LAMA4: variants seen among roughly 807,000 people sequenced by gnomAD.
LAMA4 encodes laminin subunit alpha-4.
In LAMA4, 127 loss-of-function variants were observed where a neutral mutation model predicts 207.1. The observed-to-expected ratio is 0.61, with a 90% CI of 0.53 to 0.71. The LOEUF (loss-of-function observed/expected upper bound fraction) is 0.71. LAMA4 is among the 30% of genes least tolerant of loss of function. The pLI is 0.00. For synonymous variants in LAMA4, 761 were observed against 816.0 expected, an observed-to-expected ratio of 0.93 and a Z score of 1.15; for missense variants, 2,093 against 2,246.5, an observed-to-expected ratio of 0.93 and a Z score of 1.38.
chr6:112,205,081 T>C (rs1554353808), intron 4 of LAMA4, among the ~76,000 whole-genome samples: 1 of 152,214 alleles, frequency 6.6e-6, no homozygotes, highest in East Asian at 1.9e-4. Flanking sequence ...GTGTGTGTAG[T>C]AAGCATTCAG....
chr6:112,215,465 T>C (rs1343486476), intron 3 of LAMA4, among the ~76,000 whole-genome samples: 1 of 152,238 alleles, frequency 6.6e-6, no homozygotes, highest in African/African-American at 2.4e-5. Flanking sequence ...ATGCAAATGT[T>C]GAGTGCATTT....
chr6:112,140,338 G>T lies in LAMA4; in HGVS notation c.2976+422C>A, dbSNP rs537496359. On this transcript the variant is annotated intron_variant, in intron 22 of 38. Coordinates refer to ENST00000230538, the MANE Select transcript of LAMA4 (RefSeq NM_001105206.3). ...CTTCATCAGATTTCATACTCTCTCC[G>T]AAGTCTCACCCCCTCTCTCATCCCA... Among the ~76,000 whole-genome samples the T allele has an allele frequency of 8.6e-5, 13 of 151,964 alleles. No homozygotes were observed. In the South Asian group the frequency reaches 2.5e-3, roughly 29 times the overall value.
At chr6:112,190,342 C>T (rs1326167239) in intron 6 of LAMA4, among the ~76,000 whole-genome samples, 1 of 152,200 alleles carries the variant, frequency 6.6e-6, no homozygotes, top group African/African-American at 2.4e-5. Context: ...TGTTATGCCT[C>T]TATGCACATT....
chr6:112,231,709 T>G (rs905399721), intron 2 of LAMA4, among the ~76,000 whole-genome samples: 1 of 152,218 alleles, frequency 6.6e-6, no homozygotes, highest in Non-Finnish European at 1.5e-5. Context: ...CAGAGGCAGA[T>G]GTCTGCTCAG....
rs1778179245 is a variant in LAMA4 at position 112,118,834 on chromosome 6, T to C, written c.4821+322A>G. On this transcript the variant is annotated intron_variant, in intron 34 of 38. Coordinates refer to ENST00000230538, the MANE Select transcript of LAMA4 (RefSeq NM_001105206.3). This position sits in a 1 kb window ranked among gnomAD's most constrained non-coding sequence, Gnocchi z 4.6. Reference sequence around the variant, plus strand: ...TAATGCAATGATTTGCTTTCTTTTTTGTTATGTCTTTACATTAAAAGTATG... The same window carrying C: ...TAATGCAATGATTTGCTTTCTTTTTCGTTATGTCTTTACATTAAAAGTATG... Among the ~76,000 whole-genome samples, 2 of 152,146 alleles carry C rather than the reference T, an allele frequency of 1.3e-5. No homozygotes were observed. The highest frequency in any genetic ancestry group is 1.5e-5 in the Non-Finnish European group (1 of 68,032).
chr6:112,254,255 C>G lies in LAMA4; in HGVS notation c.-105G>C, dbSNP rs1193026399. The G allele has an allele frequency of 4.9e-6, 7 of 1,438,160 alleles. No individual in the cohort carries two copies. In the Admixed American group the frequency reaches 1.3e-4, roughly 26 times the overall value. 89.1% of individuals were successfully genotyped at this position (1,438,160 alleles called of 1,614,324 possible). A position where few individuals can be genotyped will look rare whatever the true frequency, so the allele number is the denominator to read the frequency against. On this transcript the variant is annotated 5_prime_UTR_variant, in exon 2 of 39. Coordinates refer to ENST00000230538, the MANE Select transcript of LAMA4 (RefSeq NM_001105206.3). ...TGCCTCGCTTATTTTCCCTCCTCTC[C>G]GTGTGCAGTATCCCGAGGTGGCTGC... is the stretch of plus-strand genomic sequence containing the variant.
intron 22 of LAMA4, 66 bp from the exon 23 acceptor site, chr6:112,139,951 G>C: frequency 6.5e-7 from 1 of 1,527,884 alleles, no homozygotes; most frequent in Non-Finnish European, 9.1e-7. Context: ...TCACAGAACA[G>C]ACAATGCAAC....
chr6:112,136,062 G>C, intron 25 of LAMA4, 61 bp downstream of exon 25: 1 of 1,494,214 alleles, frequency 6.7e-7, no homozygotes, highest in Admixed American at 1.7e-5. Context: ...TGCCTGATTA[G>C]ATCAACAGAT....
chr6:112,182,097 AAAATAAAT>A (rs58426217), intron 9 of LAMA4, among the ~76,000 whole-genome samples: 6,313 of 148,598 alleles, frequency 0.042, 319 homozygotes, highest in African/African-American at 0.12. Flanking sequence ...ACTCTGTCTG[AAAATAAAT>A]AAATAAATAA....
intron 12 of LAMA4, among the ~76,000 whole-genome samples, chr6:112,165,846 G>A (rs1781354268): frequency 6.6e-6 from 1 of 152,096 alleles, no homozygotes; most frequent in African/African-American, 2.4e-5. Flanking sequence ...TTTTGAGAAG[G>A]GAAAGTAAAT....
chr6:112,169,146 C>T (rs1327010791), intron 12 of LAMA4, among the ~76,000 whole-genome samples: 4 of 152,076 alleles, frequency 2.6e-5, no homozygotes, highest in African/African-American at 9.7e-5. Flanking sequence ...TTTAGAGATA[C>T]CTTGAAATCG....
chr6:112,134,384 G>T, intron 26 of LAMA4, 83 bp downstream of exon 26: 2 of 1,383,078 alleles, frequency 1.4e-6, no homozygotes, highest in Non-Finnish European at 2.1e-6. Flanking sequence ...GTAAGGGTGC[G>T]TACACTGTTA....
chr6:112,172,594 G>A lies in LAMA4; in HGVS notation c.1551+17C>T. ...CTGCTGATGCTGAAATGCATTGATGGTGAGTGTCCGCTGTACCTCATGGTC... is the reference window on the plus strand; with the variant it reads ...CTGCTGATGCTGAAATGCATTGATGATGAGTGTCCGCTGTACCTCATGGTC... On this transcript the variant is annotated intron_variant, in intron 12 of 38. Transcript: ENST00000230538. The A allele has an allele frequency of 1.2e-6, 2 of 1,611,492 alleles. No homozygotes were observed. The highest frequency in any genetic ancestry group is 1.7e-6 in the Non-Finnish European group (2 of 1,179,232).
chr6:112,142,695 T>C (rs539689455), intron 19 of LAMA4, among the ~76,000 whole-genome samples: 1 of 152,300 alleles, frequency 6.6e-6, no homozygotes, highest in African/African-American at 2.4e-5. Context: ...AGCTGGGACT[T>C]TGTCCCTAGG....
intron 6 of LAMA4, 43 bp downstream of exon 6, chr6:112,191,593 T>A (rs1012200496): frequency 1.3e-5 from 18 of 1,404,124 alleles, no homozygotes; most frequent in Non-Finnish European, 1.7e-5. Flanking sequence ...TGGCAGAGGG[T>A]CATGCTGGCC....
Position 112,174,680 on chromosome 6 carries a change from A to G in LAMA4, c.1357+633T>C, listed in dbSNP as rs1781918199. ...GCTATTTTTTGTATTTTTAGTAGAGATGGGGTTTCACCACACTGGCCAGGC... is the reference window on the plus strand; with the variant it reads ...GCTATTTTTTGTATTTTTAGTAGAGGTGGGGTTTCACCACACTGGCCAGGC... On this transcript the variant is annotated intron_variant, in intron 11 of 38. Coordinates refer to ENST00000230538, the MANE Select transcript of LAMA4 (RefSeq NM_001105206.3). 2.0e-5 allele frequency among the ~76,000 whole-genome samples: 3 copies of G among 152,070 alleles called. No homozygotes were observed. The South Asian group carries it at 6.2e-4, about 32-fold the overall frequency.
At chr6:112,234,269 G>T (rs1371683749) in intron 2 of LAMA4, 2 of 152,064 alleles carry the variant, frequency 1.3e-5, no homozygotes, top group African/African-American at 4.8e-5. Context: ...TGCGAGACTG[G>T]TTTAATGAAC....
rs1356304871 is a variant in LAMA4, at chr6:112,128,875, A to G, written c.4287+47T>C. On this transcript the variant is annotated intron_variant, in intron 31 of 38. Coordinates refer to ENST00000230538, the MANE Select transcript of LAMA4 (RefSeq NM_001105206.3). ...AACAGCAGTGTCTAGAACTGTGTGCATGGAAAATGATGACAATTAGGAAGT... is the reference window on the plus strand; with the variant it reads ...AACAGCAGTGTCTAGAACTGTGTGCGTGGAAAATGATGACAATTAGGAAGT... 5 of 1,548,568 alleles carry G rather than the reference A, an allele frequency of 3.2e-6. No homozygotes were observed. The African/African-American group carries it at 5.4e-5, about 17-fold the overall frequency.
intron 17 of LAMA4, among the ~76,000 whole-genome samples, chr6:112,148,948 C>T (rs1780202222): frequency 7.5e-6 from 1 of 134,038 alleles, no homozygotes; most frequent in African/African-American, 2.8e-5. Flanking sequence ...TTTATAACTT[C>T]AAATTTTATA....
Sources: allele counts gnomAD v4.1 joint callset (sites outside exome capture counted in the v4.1 genomes callset), GRCh38; gene constraint gnomAD v4.1.1; non-coding constraint Gnocchi (gnomAD v3.1); transcripts MANE v1.5; gene names NCBI Gene and HGNC (gene_info 2026-07-23, HGNC 2026-07-21).